The following RALGAPA2 variants were observed in gnomAD, a reference collection of about 807,000 sequenced individuals.
RALGAPA2 encodes Ral GTPase activating protein catalytic subunit alpha 2, also known as ral GTPase-activating protein subunit alpha-2.
A neutral mutation model predicts 230.4 loss-of-function variants in RALGAPA2; 139 were observed. That is an observed-to-expected ratio of 0.60 (90% CI 0.53 to 0.69). RALGAPA2 has a LOEUF of 0.69. RALGAPA2 is among the 30% of genes least tolerant of loss of function. The probability of loss-of-function intolerance (pLI) is 0.00; values close to 1 mark genes in which losing one functional copy is unlikely to be tolerated. For missense variants in RALGAPA2, 2,163 were observed against 2,276.0 expected, an observed-to-expected ratio of 0.95 and a Z score of 1.01; for synonymous variants, 847 against 837.8, an observed-to-expected ratio of 1.01 and a Z score of -0.19.
intron 36 of RALGAPA2, among the ~76,000 whole-genome samples, chr20:20,494,583 G>A (rs2062151388): frequency 1.3e-5 from 2 of 152,170 alleles, no homozygotes; most frequent in South Asian, 4.1e-4. Context: ...GCAGCAAGGT[G>A]CTCCAATTGT....
In RALGAPA2 at chr20:20,616,168, G is replaced by A; in HGVS notation, c.1563C>T (p.Asn521=). ...LLQVFLTNSA[N]IFLLEPCAEV... ...CAGCACATGGTTCCAACAAAAAGATGTTTGCAGAGTTCGTCAAAAATACCT... is the reference window on the plus strand; with the variant it reads ...CAGCACATGGTTCCAACAAAAAGATATTTGCAGAGTTCGTCAAAAATACCT... The change falls in exon 13 of 40, where the codon AAC becomes AAT. Residue 521 remains asparagine, a synonymous_variant. Coordinates refer to ENST00000202677, the MANE Select transcript of RALGAPA2 (RefSeq NM_020343.4). 2 of 1,528,632 alleles carry A rather than the reference G, an allele frequency of 1.3e-6. No homozygotes were observed. Among genetic ancestry groups the A allele is most frequent in the Non-Finnish European group, 8.8e-7 (1 of 1,140,006 alleles). The allele number at this position is 1,528,632 out of a possible 1,614,324, so 94.7% of individuals were successfully genotyped here.
intron 35 of RALGAPA2, among the ~76,000 whole-genome samples, chr20:20,498,645 A>T (rs892444385): frequency 6.6e-6 from 1 of 152,190 alleles, no homozygotes; most frequent in Admixed American, 6.5e-5. Context: ...TTCAGCTGAC[A>T]GTGTGCCCAT....
chr20:20,640,347 C>T (rs749469723), intron 6 of RALGAPA2, among the ~76,000 whole-genome samples: 1 of 152,120 alleles, frequency 6.6e-6, no homozygotes, highest in African/African-American at 2.4e-5. Flanking sequence ...TTACGAACAA[C>T]AGTGATAAGA....
intron 35 of RALGAPA2, among the ~76,000 whole-genome samples, chr20:20,496,423 G>T (rs1176793641): frequency 6.6e-6 from 1 of 152,184 alleles, no homozygotes; most frequent in Non-Finnish European, 1.5e-5. Context: ...AGATTAAAAT[G>T]TTGGCCAAAA....
intron 33 of RALGAPA2, among the ~76,000 whole-genome samples, chr20:20,508,621 C>G (rs1043949242): frequency 6.6e-6 from 1 of 152,170 alleles, no homozygotes; most frequent in African/African-American, 2.4e-5. Flanking sequence ...TAAGAAGGAA[C>G]TATACATCAA....
chr20:20,512,656 C>T lies in RALGAPA2; in HGVS notation c.4713G>A (p.Glu1571=), dbSNP rs755109566. The change falls in exon 32 of 40, where the codon GAG becomes GAA. Residue 1571 remains glutamate, a synonymous_variant. Transcript: ENST00000202677. ...IEVILRQNAQ[E]DEYIQSHNFD... The stretch of plus-strand genomic sequence containing the variant: ...AGTTATGACTCTGGATATACTCATC[C>T]TCTTGAGCATTTTGGCGCAAAATGA... The T allele has an allele frequency of 5.6e-6, 9 of 1,613,876 alleles. No homozygotes were observed. The African/African-American group carries it at 6.7e-5, about 12-fold the overall frequency.
intron 3 of RALGAPA2, among the ~76,000 whole-genome samples, chr20:20,670,905 A>C (rs1001690071): frequency 2.0e-5 from 3 of 151,238 alleles, no homozygotes; most frequent in Admixed American, 1.3e-4. Flanking sequence ...AGCCAAGATC[A>C]AGCCACTGCA....
chr20:20,511,406 A>G, intron 32 of RALGAPA2, 81 bp from the exon 33 acceptor site: 2 of 1,485,450 alleles, frequency 1.3e-6, no homozygotes, highest in Non-Finnish European at 8.9e-7. Context: ...TTTAATAAAA[A>G]TACCTATCAT....
chr20:20,461,066 C>T (rs1435101344), intron 37 of RALGAPA2, among the ~76,000 whole-genome samples: 1 of 152,166 alleles, frequency 6.6e-6, no homozygotes, highest in Non-Finnish European at 1.5e-5. Context: ...AAATTATATG[C>T]ATTTGACAAA....
intron 18 of RALGAPA2, among the ~76,000 whole-genome samples, chr20:20,588,472 C>G (rs894853535): frequency 2.0e-5 from 3 of 152,114 alleles, no homozygotes; most frequent in Non-Finnish European, 4.4e-5. Flanking sequence ...ATGATGAACA[C>G]AAAGCCAAGA....
chr20:20,510,203 C>A (rs943107794), intron 33 of RALGAPA2, among the ~76,000 whole-genome samples: 1 of 152,026 alleles, frequency 6.6e-6, no homozygotes. Context: ...AGATGAGAAA[C>A]GTGACAGTGG....
intron 14 of RALGAPA2, among the ~76,000 whole-genome samples, chr20:20,606,759 T>C (rs557223334): frequency 2.6e-4 from 40 of 152,326 alleles, no homozygotes; most frequent in African/African-American, 9.6e-4. Flanking sequence ...CCCAGTCTTA[T>C]AGTCCACAGC....
At chr20:20,455,434 C>CGCCTTTGGCCCG (rs1272214444) in intron 37 of RALGAPA2, among the ~76,000 whole-genome samples, 1 of 152,192 alleles carries the variant, frequency 6.6e-6, no homozygotes, top group African/African-American at 2.4e-5. Context: ...GCTGGAATGT[C>CGCCTTTGGCCCG]ATCACCACCT....
chr20:20,592,938 CTT>C (rs369668037), intron 16 of RALGAPA2, among the ~76,000 whole-genome samples: 1 of 147,600 alleles, frequency 6.8e-6, no homozygotes, highest in African/African-American at 2.5e-5. Context: ...TATCAATTTA[CTT>C]TTTTTTTTTG....
chr20:20,692,518 G>A (rs755569666), intron 1 of RALGAPA2, among the ~76,000 whole-genome samples: 11 of 152,196 alleles, frequency 7.2e-5, no homozygotes, highest in South Asian at 6.2e-4. Context: ...TGCCCCTCTC[G>A]GAACCTGGCC....
At chr20:20,491,211 G>A (rs1331848078) in intron 36 of RALGAPA2, among the ~76,000 whole-genome samples, 6 of 152,062 alleles carry the variant, frequency 3.9e-5, no homozygotes, top group Non-Finnish European at 2.9e-5. Flanking sequence ...CCCCTCCTAC[G>A]CTTTTCACAA....
chr20:20,532,365 T>C (rs770963497), intron 26 of RALGAPA2, among the ~76,000 whole-genome samples: 1 of 152,196 alleles, frequency 6.6e-6, no homozygotes, highest in Non-Finnish European at 1.5e-5. Flanking sequence ...TATTCTGTTT[T>C]TAACTACACA....
rs1247473592 is a variant in RALGAPA2, at chr20:20,458,449, AATAC to A, written c.5495+14376_5495+14379del. Reference sequence around the variant, plus strand: ...TATATGTATTTTTTATATTACATATAATACATATGTATTTTATATAATATATAAT... The same window carrying A: ...TATATGTATTTTTTATATTACATATAATATGTATTTTATATAATATATAAT... On this transcript the variant is annotated intron_variant, in intron 37 of 39. Transcript: ENST00000202677. Among the ~76,000 whole-genome samples the A allele has an allele frequency of 4.3e-5, 6 of 138,712 alleles. No individual in the cohort carries two copies. The East Asian group carries it at 1.3e-3, about 30-fold the overall frequency. The allele number at this position is 138,712 out of a possible 152,430, so 91.0% of individuals were successfully genotyped here. A position where few individuals can be genotyped will look rare whatever the true frequency, so the allele number is the denominator to read the frequency against.
At chr20:20,403,383 A>C (rs1192347404) in intron 38 of RALGAPA2, among the ~76,000 whole-genome samples, 1 of 152,210 alleles carries the variant, frequency 6.6e-6, no homozygotes, top group Non-Finnish European at 1.5e-5. Context: ...ATTGTAGCAA[A>C]GGTGCATCCC....
Sources: allele counts gnomAD v4.1 joint callset (sites outside exome capture counted in the v4.1 genomes callset), GRCh38; gene constraint gnomAD v4.1.1; transcripts MANE v1.5; gene names NCBI Gene and HGNC (gene_info 2026-07-23, HGNC 2026-07-21).